Variants in ABL2 observed in about 807,000 individuals in gnomAD.
ABL2 encodes ABL proto-oncogene 2, non-receptor tyrosine kinase.
ABL2 carries 49 observed loss-of-function variants against 107.7 expected under a neutral mutation model. The ratio of observed to expected loss-of-function variants is 0.45; its 90% confidence interval spans 0.36 to 0.58. The LOEUF is 0.58. Among genes scored for constraint, ABL2 ranks in the 20% least tolerant of loss-of-function variants. The pLI, the probability that ABL2 is intolerant of heterozygous loss-of-function variation, is 0.00. For missense variants in ABL2, 1,245 were observed against 1,457.0 expected, an observed-to-expected ratio of 0.85 and a Z score of 2.37; for synonymous variants, 549 against 548.6, an observed-to-expected ratio of 1.00 and a Z score of -0.01.
At chr1:179,133,459 A>T in intron 1 of ABL2, 85 bp from the exon 2 acceptor site, 1 of 1,608,538 alleles carries the variant, frequency 6.2e-7, no homozygotes, top group Non-Finnish European at 8.5e-7. Flanking sequence ...TTTTCATGGC[A>T]TTCAAAGGCC....
At chr1:179,210,503 C>CAAAAAAAAAAAAAAA (rs113814284) in intron 1 of ABL2, among the ~76,000 whole-genome samples, 7 of 93,996 alleles carry the variant, frequency 7.4e-5, no homozygotes, top group African/African-American at 8.5e-5. Context: ...CTCTAACTCA[C>CAAAAAAAAAAAAAAA]AAAAAAAAAA....
chr1:179,229,330 C>A lies in ABL2; in HGVS notation c.68G>T (p.Arg23Leu). Residue 23 changes from arginine to leucine, a missense_variant, in exon 1 of 12, where the codon CGG becomes CTG. Arg to Leu is a moderately radical substitution (Grantham distance 102). This residue lies in a region of ABL2 where 164 missense variants were observed against 143.7 expected (regional missense o/e 1.14). Coordinates refer to ENST00000502732, the MANE Select transcript of ABL2 (RefSeq NM_007314.4). ...GLQQPQPRGIRGSSAARPSGR... is the reference protein window; with the variant it reads ...GLQQPQPRGILGSSAARPSGR... ...GGAGGGCCTGGCTGCACTGCTGCCCCGGATCCCGCGGGGCTGAGGCTGCTG... is the reference window on the plus strand; with the variant it reads ...GGAGGGCCTGGCTGCACTGCTGCCCAGGATCCCGCGGGGCTGAGGCTGCTG... 3 of 1,584,220 alleles carry A rather than the reference C, an allele frequency of 1.9e-6. No individual in the cohort carries two copies. Among genetic ancestry groups the A allele is most frequent in the Non-Finnish European group, 2.6e-6 (3 of 1,168,146 alleles).
chr1:179,149,596 T>C (rs529257602), intron 1 of ABL2, among the ~76,000 whole-genome samples: 2 of 152,372 alleles, frequency 1.3e-5, no homozygotes, highest in East Asian at 3.9e-4. Flanking sequence ...GGGGTGAATG[T>C]TGCTGTTGAC....
rs1050953126 is a variant in ABL2, at chr1:179,100,509, T to A, written c.*7209A>T. The stretch of plus-strand genomic sequence containing the variant: ...TTTAAGTCCCATTCTCCAACTAAAG[T>A]TTATGGTGCCTAATTCCGAAGCAAA... On this transcript the variant is annotated 3_prime_UTR_variant, in exon 12 of 12. Transcript: ENST00000502732. 8.8e-6 allele frequency: 2 copies of A among 228,526 alleles called. No homozygotes were observed. The highest frequency in any genetic ancestry group is 4.4e-5 in the African/African-American group (2 of 45,104). 14.2% of individuals were successfully genotyped at this position (228,526 alleles called of 1,614,324 possible).
At chr1:179,211,805 AAT>A (rs1662291163) in intron 1 of ABL2, among the ~76,000 whole-genome samples, 1 of 151,814 alleles carries the variant, frequency 6.6e-6, no homozygotes, top group South Asian at 2.1e-4. Context: ...AAAAAAAAAA[AAT>A]TTAAATAACT....
intron 2 of ABL2, 46 bp downstream of exon 2, chr1:179,133,266 C>T: frequency 6.2e-7 from 1 of 1,611,938 alleles, no homozygotes; most frequent in Non-Finnish European, 8.5e-7. Flanking sequence ...TCCATCTCTA[C>T]TGCCAATGCC....
intron 1 of ABL2, among the ~76,000 whole-genome samples, chr1:179,168,104 G>A (rs1476526047): frequency 1.3e-5 from 2 of 152,160 alleles, no homozygotes; most frequent in African/African-American, 4.8e-5. Context: ...AATAGATAAT[G>A]GTAAGTAACA....
chr1:179,129,040 A>G (rs1039043907), intron 3 of ABL2, among the ~76,000 whole-genome samples: 1 of 152,186 alleles, frequency 6.6e-6, no homozygotes, highest in Non-Finnish European at 1.5e-5. Context: ...ATCAAAAACT[A>G]AAGTGTTGCT....
rs1663399056 is a variant in ABL2 at position 179,229,169 on chromosome 1, C to A, written c.157+72G>T. On this transcript the variant is annotated intron_variant, in intron 1 of 11. Transcript: ENST00000502732. ...CCTCCGACCCCTCGGGCAGCCCGTC[C>A]GCCACCCACCCCGCCCCGACCCCAC... The A allele has an allele frequency of 1.9e-5, 7 of 367,910 alleles. No homozygotes were observed. The East Asian group carries it at 5.4e-4, about 28-fold the overall frequency. The allele number at this position is 367,910 out of a possible 1,614,324, so 22.8% of individuals were successfully genotyped here.
chr1:179,122,258 T>C (rs967240672), intron 4 of ABL2, among the ~76,000 whole-genome samples: 6 of 135,602 alleles, frequency 4.4e-5, no homozygotes, highest in East Asian at 2.1e-4. Context: ...CCTGAAGATA[T>C]AGATAGAAGG....
At chr1:179,213,137 TTAA>T (rs1336203757) in intron 1 of ABL2, among the ~76,000 whole-genome samples, 4 of 151,694 alleles carry the variant, frequency 2.6e-5, no homozygotes, top group Non-Finnish European at 2.9e-5. Flanking sequence ...ATTCAAAAAA[TTAA>T]TTTTTATATA....
At chr1:179,208,014 T>C (rs972042854) in intron 1 of ABL2, among the ~76,000 whole-genome samples, 2 of 152,116 alleles carry the variant, frequency 1.3e-5, no homozygotes, top group African/African-American at 4.8e-5. Flanking sequence ...TTATCTACTT[T>C]CCCTTTATAA....
intron 1 of ABL2, among the ~76,000 whole-genome samples, chr1:179,134,983 C>T (rs150046513): frequency 0.085 from 13,001 of 152,310 alleles, 580 homozygotes; most frequent in Middle Eastern, 0.11. Context: ...CCGCCAGCCT[C>T]GGCCTCCCGA....
intron 1 of ABL2, among the ~76,000 whole-genome samples, chr1:179,176,485 C>CA (rs28914487): frequency 0.094 from 14,329 of 151,878 alleles, 710 homozygotes; most frequent in African/African-American, 0.12. Context: ...TATGTACCCA[C>CA]AAAAAATGTT....
Position 179,106,150 on chromosome 1 carries a change from G to A in ABL2, c.*1568C>T, listed in dbSNP as rs191228100. The A allele has an allele frequency of 2.3e-5, 5 of 221,300 alleles. No individual in the cohort carries two copies. Among genetic ancestry groups the A allele is most frequent in the Non-Finnish European group, 3.6e-5 (4 of 110,582 alleles). The allele number at this position is 221,300 out of a possible 1,614,324, so 13.7% of individuals were successfully genotyped here. ...GTGTGTATTGAGCTCTCCTTGGGGA[G>A]GATGGGGGAAGTATTCATAAAGCTT... On this transcript the variant is annotated 3_prime_UTR_variant, in exon 12 of 12. Transcript: ENST00000502732.
At chr1:179,205,787 G>A (rs1366536630) in intron 1 of ABL2, among the ~76,000 whole-genome samples, 1 of 152,132 alleles carries the variant, frequency 6.6e-6, no homozygotes, top group Non-Finnish European at 1.5e-5. Context: ...CAGACCAACT[G>A]ATTCTAAAGT....
chr1:179,174,852 G>T (rs905597457), intron 1 of ABL2, among the ~76,000 whole-genome samples: 6 of 142,256 alleles, frequency 4.2e-5, no homozygotes, highest in African/African-American at 1.6e-4. Flanking sequence ...GCCAGATCGT[G>T]CCACTGCACT....
At position 179,229,348 on chromosome 1, in the gene ABL2, G is replaced by A. The variant is rs1296028787; in HGVS notation, c.50C>T (p.Pro17Leu). ...RVGEAPGLQQ[P>L]QPRGIRGSSA... ...GCTGCCCCGGATCCCGCGGGGCTGA[G>A]GCTGCTGGAGCCCCGGAGCTTCCCC... is the stretch of plus-strand genomic sequence containing the variant. The change falls in exon 1 of 12, where the codon CCT becomes CTT. Residue 17 changes from proline to leucine, a missense_variant. Around this residue, in one of 3 missense-constraint regions of ABL2, gnomAD observed 164 missense variants for 143.7 expected, o/e 1.14. Coordinates refer to ENST00000502732, the MANE Select transcript of ABL2 (RefSeq NM_007314.4). 5.7e-6 allele frequency: 9 copies of A among 1,583,154 alleles called. No individual in the cohort carries two copies. The South Asian group carries it at 1.0e-4, about 18-fold the overall frequency.
chr1:179,205,567 C>A (rs1661922334), intron 1 of ABL2, among the ~76,000 whole-genome samples: 1 of 152,198 alleles, frequency 6.6e-6, no homozygotes, highest in Non-Finnish European at 1.5e-5. Flanking sequence ...ACTCTGTCAG[C>A]CTGGGTCTCT....
Sources: allele counts gnomAD v4.1 joint callset (sites outside exome capture counted in the v4.1 genomes callset), GRCh38; gene constraint gnomAD v4.1.1; regional missense constraint gnomAD v4.1.1; transcripts MANE v1.5; gene names NCBI Gene and HGNC (gene_info 2026-07-23, HGNC 2026-07-21).